Variants in GBE1 observed in about 807,000 individuals in gnomAD.
The protein encoded by GBE1 is 1,4-alpha-glucan branching enzyme 1.
A neutral mutation model predicts 88.8 loss-of-function variants in GBE1; 70 were observed. That is an observed-to-expected ratio of 0.79 (90% CI 0.65 to 0.96). GBE1 has a LOEUF of 0.96. Among genes scored for constraint, GBE1 ranks in the 40% least tolerant of loss-of-function variants. GBE1 has a pLI of 0.00. For synonymous variants in GBE1, 284 were observed against 300.1 expected, an observed-to-expected ratio of 0.95 and a Z score of 0.56; for missense variants, 872 against 871.0, an observed-to-expected ratio of 1.00 and a Z score of -0.01.
intron 1 of GBE1, among the ~76,000 whole-genome samples, chr3:81,727,652 C>T (rs866694106): frequency 1.3e-5 from 2 of 152,068 alleles, no homozygotes; most frequent in South Asian, 4.1e-4. Context: ...CAAATGTCTC[C>T]AGTGCAATTC....
intron 7 of GBE1, among the ~76,000 whole-genome samples, chr3:81,597,621 A>G (rs1703977764): frequency 6.6e-6 from 1 of 151,270 alleles, no homozygotes; most frequent in Non-Finnish European, 1.5e-5. Flanking sequence ...CACACTGTGC[A>G]TAGTCAATTG....
intron 12 of GBE1, among the ~76,000 whole-genome samples, chr3:81,552,661 T>C (rs928036121): frequency 2.0e-5 from 3 of 151,990 alleles, no homozygotes; most frequent in African/African-American, 7.2e-5. Flanking sequence ...AACACACTTA[T>C]AAACAAGTTT....
intron 2 of GBE1, among the ~76,000 whole-genome samples, chr3:81,685,593 G>A (rs1705422123): frequency 2.6e-5 from 4 of 152,016 alleles, no homozygotes. Flanking sequence ...CGTTGGCCAG[G>A]CTAGTCTTGA....
chr3:81,745,477 G>T (rs968689274), intron 1 of GBE1, among the ~76,000 whole-genome samples: 3 of 151,970 alleles, frequency 2.0e-5, no homozygotes, highest in Non-Finnish European at 4.4e-5. Context: ...AACTTCTTAG[G>T]AAGGCAGACT....
chr3:81,598,792 T>G lies in GBE1; in HGVS notation c.993-4769A>C, dbSNP rs1359426626. ...AGTAGCACAAAACTAGTGAGATAAA[T>G]TGTTCATTCAACTACTAAAAATTTG... is the stretch of plus-strand genomic sequence containing the variant. On this transcript the variant is annotated intron_variant, in intron 7 of 15. Coordinates refer to ENST00000429644, the MANE Select transcript of GBE1 (RefSeq NM_000158.4). Among the ~76,000 whole-genome samples, 3 of 151,682 alleles carry G rather than the reference T, an allele frequency of 2.0e-5. No homozygotes were observed. The East Asian group carries it at 5.8e-4, about 29-fold the overall frequency.
chr3:81,501,067 C>T (rs1702579891), intron 14 of GBE1, among the ~76,000 whole-genome samples: 2 of 152,060 alleles, frequency 1.3e-5, no homozygotes, highest in African/African-American at 4.8e-5. Flanking sequence ...AGGCAGTTTG[C>T]CCAGTAACAA....
chr3:81,558,314 T>A (rs1193771700), intron 12 of GBE1, among the ~76,000 whole-genome samples: 1 of 152,002 alleles, frequency 6.6e-6, no homozygotes, highest in Non-Finnish European at 1.5e-5. Context: ...ATATTGCATA[T>A]TTTAGCCACC....
intron 2 of GBE1, among the ~76,000 whole-genome samples, chr3:81,696,681 A>C (rs1705600932): frequency 1.3e-5 from 2 of 152,232 alleles, no homozygotes; most frequent in Admixed American, 1.3e-4. Flanking sequence ...GCTAAAGAAC[A>C]ACCATAAACA....
chr3:81,704,331 T>A (rs987641175), intron 2 of GBE1, among the ~76,000 whole-genome samples: 4 of 152,072 alleles, frequency 2.6e-5, no homozygotes, highest in African/African-American at 9.7e-5. Flanking sequence ...GTCAGGTTCC[T>A]TGAAGAATAA....
At chr3:81,504,433 A>G (rs1235970330) in intron 14 of GBE1, among the ~76,000 whole-genome samples, 3 of 152,192 alleles carry the variant, frequency 2.0e-5, no homozygotes, top group African/African-American at 7.2e-5. Context: ...TAAATACAAA[A>G]CACTGGATCA....
chr3:81,507,648 T>C (rs999823493), intron 14 of GBE1, among the ~76,000 whole-genome samples: 6 of 151,362 alleles, frequency 4.0e-5, no homozygotes, highest in African/African-American at 1.5e-4. Flanking sequence ...CAAATGCAAC[T>C]TTTTTCTTTA....
At chr3:81,634,845 G>A (rs2107043171) in intron 7 of GBE1, among the ~76,000 whole-genome samples, 1 of 152,220 alleles carries the variant, frequency 6.6e-6, no homozygotes, top group East Asian at 1.9e-4. Context: ...AGGGAAGCAT[G>A]GTAGGGACTA....
At position 81,712,662 on chromosome 3, in the gene GBE1, G is replaced by A. The variant is rs188605576; in HGVS notation, c.144-7049C>T. 2.4e-3 allele frequency among the ~76,000 whole-genome samples: 369 copies of A among 152,120 alleles called. 3 individuals are homozygous for A. Among genetic ancestry groups the A allele is most frequent in the African/African-American group, 8.6e-3 (356 of 41,480 alleles). ...GGGGCCTGTCGTGGGGTGGGGGAAG[G>A]GGGGAGGGATAGCATTAGGAAATAT... On this transcript the variant is annotated intron_variant, in intron 1 of 15. Transcript: ENST00000429644.
chr3:81,650,210 T>TA (rs1704825954), intron 3 of GBE1: 1 of 212,528 alleles, frequency 4.7e-6, no homozygotes, highest in Non-Finnish European at 9.3e-6. Context: ...GAACAGTAGA[T>TA]ACTAAAAAGA....
intron 14 of GBE1, among the ~76,000 whole-genome samples, chr3:81,510,324 T>G (rs1702707885): frequency 6.6e-6 from 1 of 152,118 alleles, no homozygotes; most frequent in South Asian, 2.1e-4. Flanking sequence ...TAATTTTTCT[T>G]TATTTGAAGT....
At chr3:81,710,347 G>C (rs1473557829) in intron 1 of GBE1, among the ~76,000 whole-genome samples, 1 of 141,708 alleles carries the variant, frequency 7.1e-6, no homozygotes, top group East Asian at 2.2e-4. Flanking sequence ...CCATTCTCCT[G>C]CCTCAGCCTC....
intron 12 of GBE1, among the ~76,000 whole-genome samples, chr3:81,572,402 T>G (rs537846118): frequency 7.3e-4 from 111 of 152,330 alleles, no homozygotes; most frequent in Non-Finnish European, 1.2e-3. Context: ...ACAAAGATCT[T>G]TCTGAGAAGC....
At chr3:81,728,843 T>G (rs1454826450) in intron 1 of GBE1, among the ~76,000 whole-genome samples, 1 of 151,936 alleles carries the variant, frequency 6.6e-6, no homozygotes, top group Non-Finnish European at 1.5e-5. Context: ...TGTTTCTCAT[T>G]AAAATTCTTC....
chr3:81,582,147 T>C, intron 10 of GBE1, among the ~76,000 whole-genome samples: 1 of 152,064 alleles, frequency 6.6e-6, no homozygotes, highest in Non-Finnish European at 1.5e-5. Context: ...CACACTGTCA[T>C]ACAATTATGA....
Sources: allele counts gnomAD v4.1 joint callset (sites outside exome capture counted in the v4.1 genomes callset), GRCh38; gene constraint gnomAD v4.1.1; transcripts MANE v1.5; gene names NCBI Gene and HGNC (gene_info 2026-07-23, HGNC 2026-07-21).